Variants in ZDHHC14 observed in about 807,000 individuals in gnomAD.
ZDHHC14 encodes palmitoyltransferase ZDHHC14.
A neutral mutation model predicts 47.7 loss-of-function variants in ZDHHC14; 16 were observed. The ratio of observed to expected loss-of-function variants is 0.34; its 90% CI spans 0.23 to 0.51. ZDHHC14 has a LOEUF of 0.51. Among genes scored for constraint, ZDHHC14 ranks in the 20% least tolerant of loss-of-function variants. The pLI, the probability that ZDHHC14 is intolerant of heterozygous loss-of-function variation, is 0.97. For missense variants in ZDHHC14, 515 were observed against 662.5 expected, an observed-to-expected ratio of 0.78 and a Z score of 2.44; for synonymous variants, 293 against 278.9, an observed-to-expected ratio of 1.05 and a Z score of -0.50.
At chr6:157,607,910 A>G (rs574483095) in intron 3 of ZDHHC14, among the ~76,000 whole-genome samples, 9 of 152,344 alleles carry the variant, frequency 5.9e-5, no homozygotes, top group Admixed American at 4.6e-4. Flanking sequence ...ATTTCTATTG[A>G]AAGTTGACAG....
intron 1 of ZDHHC14, among the ~76,000 whole-genome samples, chr6:157,401,114 ATTAT>A (rs1475958780): frequency 6.6e-6 from 1 of 152,200 alleles, no homozygotes; most frequent in Non-Finnish European, 1.5e-5. Context: ...AGCTGCCTTC[ATTAT>A]TTATTTATCA....
At chr6:157,567,264 G>T (rs558144192) in intron 2 of ZDHHC14, among the ~76,000 whole-genome samples, 11 of 152,270 alleles carry the variant, frequency 7.2e-5, no homozygotes, top group Admixed American at 5.9e-4. Context: ...GGGTAATGAG[G>T]TGTGATCTAA....
intron 1 of ZDHHC14, among the ~76,000 whole-genome samples, chr6:157,434,189 T>A (rs1401869540): frequency 6.8e-6 from 1 of 146,360 alleles, no homozygotes; most frequent in Non-Finnish European, 1.5e-5. Flanking sequence ...TGCTGATGAC[T>A]TTTTTTAGAG....
chr6:157,453,229 C>G (rs1034361297), intron 1 of ZDHHC14, among the ~76,000 whole-genome samples: 1 of 152,144 alleles, frequency 6.6e-6, no homozygotes. Context: ...TACTTCTCAT[C>G]TATGTTCTTT....
chr6:157,596,642 T>C (rs1012805399), intron 3 of ZDHHC14, among the ~76,000 whole-genome samples: 2 of 152,122 alleles, frequency 1.3e-5, no homozygotes, highest in Admixed American at 1.3e-4. Context: ...GGTCCTCTCA[T>C]TGAGTAATAC....
intron 1 of ZDHHC14, among the ~76,000 whole-genome samples, chr6:157,385,402 T>C (rs2114729307): frequency 6.6e-6 from 1 of 152,382 alleles, no homozygotes; most frequent in Non-Finnish European, 1.5e-5. Flanking sequence ...AGATAGCTTT[T>C]AATATTAGTA....
At position 157,675,978 on chromosome 6, in the gene ZDHHC14, G is replaced by A. The variant is rs957974899; in HGVS notation, c.*2856G>A. 3 of 152,250 alleles carry A rather than the reference G, an allele frequency of 2.0e-5. No individual in the cohort carries two copies. Among genetic ancestry groups the A allele is most frequent in the Non-Finnish European group, 2.9e-5 (2 of 68,044 alleles). The allele number at this position is 152,250 out of a possible 1,614,324, so 9.4% of individuals were successfully genotyped here. On this transcript the variant is annotated 3_prime_UTR_variant, in exon 9 of 9. Transcript: ENST00000359775. ...AATTCATCTGCGTTCGTTCTCCCAG[G>A]AGTGCTCCAGGGAACCACAGGCTTC...
intron 1 of ZDHHC14, among the ~76,000 whole-genome samples, chr6:157,414,608 G>A (rs1776181930): frequency 6.6e-6 from 1 of 152,168 alleles, no homozygotes; most frequent in South Asian, 2.1e-4. Flanking sequence ...CTTTCATCCA[G>A]GCCAAGAGAC....
intron 1 of ZDHHC14, among the ~76,000 whole-genome samples, chr6:157,526,381 C>A (rs2114775223): frequency 6.6e-6 from 1 of 152,210 alleles, no homozygotes. Flanking sequence ...GTGCCTGAGG[C>A]CTTCCCACAA....
In ZDHHC14 at chr6:157,450,516, TA is replaced by T. The variant is rs35262370; in HGVS notation, c.245+68268del. 2.1e-3 allele frequency among the ~76,000 whole-genome samples: 296 copies of T among 137,686 alleles called. 1 individual carries two copies. Among genetic ancestry groups the T allele is most frequent in the African/African-American group, 4.5e-3 (165 of 37,038 alleles). 90.3% of individuals were successfully genotyped at this position (137,686 alleles called of 152,430 possible). On this transcript the variant is annotated intron_variant, in intron 1 of 8. Transcript: ENST00000359775. ...GGGGTTAGAGCATGAGACTCCGTCT[TA>T]AAAAAAAAAAAAAAAAATCCTGAAC...
At chr6:157,484,323 ATATACG>A (rs1779715095) in intron 1 of ZDHHC14, among the ~76,000 whole-genome samples, 1 of 136,212 alleles carries the variant, frequency 7.3e-6, no homozygotes, top group Non-Finnish European at 1.6e-5. Context: ...ATACACATAT[ATATACG>A]TATATATACA....
chr6:157,636,989 C>A (rs1253620545), intron 5 of ZDHHC14, among the ~76,000 whole-genome samples: 3 of 152,206 alleles, frequency 2.0e-5, no homozygotes, highest in African/African-American at 7.2e-5. Context: ...GTTCCTCCTC[C>A]AGTGAGTCTA....
intron 1 of ZDHHC14, among the ~76,000 whole-genome samples, chr6:157,462,310 T>A (rs1241241635): frequency 6.6e-6 from 1 of 152,224 alleles, no homozygotes; most frequent in Non-Finnish European, 1.5e-5. Flanking sequence ...TATTTTCTAG[T>A]GAGATTCACT....
intron 3 of ZDHHC14, 77 bp downstream of exon 3, chr6:157,593,223 C>G (rs905924): frequency 0.35 from 524,184 of 1,497,614 alleles, 95,666 homozygotes; most frequent in African/African-American, 0.59. Context: ...CCCTGCGCCA[C>G]GGAACACTCA....
At chr6:157,382,645 G>A (rs1299215053) in intron 1 of ZDHHC14, among the ~76,000 whole-genome samples, 2 of 152,178 alleles carry the variant, frequency 1.3e-5, no homozygotes, top group East Asian at 1.9e-4. Flanking sequence ...GGTGGGGTGC[G>A]ATAGATTCCT....
Position 157,663,129 on chromosome 6 carries a change from C to A in ZDHHC14, c.1068+9502C>A, listed in dbSNP as rs370307384. On this transcript the variant is annotated intron_variant, in intron 8 of 8. Transcript: ENST00000359775. ...AGCTTGGAGTCCCATGCCCTCCCTA[C>A]ACTGCCTTTGCTGTGAGAAACCCAG... Among the ~76,000 whole-genome samples, 22 of 152,350 alleles carry A rather than the reference C, an allele frequency of 1.4e-4. No homozygotes were observed. In the South Asian group the frequency reaches 4.6e-3, roughly 32 times the overall value.
At chr6:157,495,695 ATTTTTTTTTTTT>A (rs71027341) in intron 1 of ZDHHC14, among the ~76,000 whole-genome samples, 1 of 104,348 alleles carries the variant, frequency 9.6e-6, no homozygotes, top group Non-Finnish European at 1.9e-5. Context: ...TTCGGGTTGA[ATTTTTTTTTTTT>A]TTTTTTTTTT....
At chr6:157,506,315 C>T (rs893217246) in intron 1 of ZDHHC14, among the ~76,000 whole-genome samples, 2 of 152,220 alleles carry the variant, frequency 1.3e-5, no homozygotes, top group Non-Finnish European at 2.9e-5. Flanking sequence ...TCAGTTTCCT[C>T]ATTAGGGAAA....
chr6:157,572,193 C>G (rs1162808409), intron 2 of ZDHHC14, among the ~76,000 whole-genome samples: 2 of 152,052 alleles, frequency 1.3e-5, no homozygotes, highest in African/African-American at 4.8e-5. Context: ...GAGGGGCTGT[C>G]CTGCACATTG....
Sources: gnomAD v4.1 joint callset for allele counts (sites outside exome capture counted in the v4.1 genomes callset) on GRCh38, gnomAD v4.1.1 for gene constraint, MANE v1.5 for transcripts, NCBI Gene and HGNC (gene_info 2026-07-23, HGNC 2026-07-21) for gene names.